The following STK3 variants were observed in gnomAD, a reference collection of about 807,000 sequenced individuals.
The protein encoded by STK3 is serine/threonine-protein kinase 3.
A neutral mutation model predicts 58.0 loss-of-function variants in STK3; 41 were observed. The ratio of observed to expected loss-of-function variants is 0.71; its 90% CI spans 0.55 to 0.92. The LOEUF (loss-of-function observed/expected upper bound fraction) is 0.92. STK3 is among the 40% of genes least tolerant of loss of function. The probability of loss-of-function intolerance (pLI) is 0.00; values close to 1 mark genes in which losing one functional copy is unlikely to be tolerated. For synonymous variants in STK3, 170 were observed against 191.0 expected, an observed-to-expected ratio of 0.89 and a Z score of 0.91; for missense variants, 479 against 602.7, an observed-to-expected ratio of 0.79 and a Z score of 2.15.
intron 3 of STK3, among the ~76,000 whole-genome samples, chr8:98,407,714 A>ATGTGTGTGTG (rs6150725): frequency 2.0e-4 from 27 of 137,172 alleles, no homozygotes; most frequent in Middle Eastern, 3.7e-3. Flanking sequence ...AGATGAGTGC[A>ATGTGTGTGTG]TGTGTGTGTG....
chr8:98,718,509 G>A (rs1306411900), intron 4 of STK3, among the ~76,000 whole-genome samples: 1 of 152,142 alleles, frequency 6.6e-6, no homozygotes, highest in African/African-American at 2.4e-5. Flanking sequence ...CTCTAAAGCT[G>A]CACCATCCAA....
the STK3 span, among the ~76,000 whole-genome samples, chr8:98,365,384 T>C: frequency 6.6e-6 from 1 of 152,142 alleles, no homozygotes; most frequent in Admixed American, 6.5e-5. Flanking sequence ...GTTCCCATGA[T>C]TGATGACATT....
At chr8:98,535,782 TA>T (rs1225342014) in intron 9 of STK3, among the ~76,000 whole-genome samples, 1 of 152,032 alleles carries the variant, frequency 6.6e-6, no homozygotes, top group African/African-American at 2.4e-5. Context: ...AGGAGAAAAA[TA>T]AAATCTCAGA....
At chr8:98,548,842 A>C (rs1160905604) in intron 8 of STK3, among the ~76,000 whole-genome samples, 1 of 152,050 alleles carries the variant, frequency 6.6e-6, no homozygotes, top group African/African-American at 2.4e-5. Flanking sequence ...ATACTTATGA[A>C]TTTGCCTATT....
intron 8 of STK3, among the ~76,000 whole-genome samples, chr8:98,578,646 A>C (rs561733049): frequency 6.6e-6 from 1 of 152,378 alleles, no homozygotes; most frequent in South Asian, 2.1e-4. Context: ...ATTTGTATAC[A>C]GAAACTGTAA....
chr8:98,351,975 C>T, the STK3 span, among the ~76,000 whole-genome samples: 5 of 152,018 alleles, frequency 3.3e-5, no homozygotes, highest in East Asian at 1.9e-4. Context: ...CTGGCTAACA[C>T]GGTTAAACCC....
chr8:98,541,349 A>C (rs1296162849), intron 9 of STK3, among the ~76,000 whole-genome samples: 1 of 151,970 alleles, frequency 6.6e-6, no homozygotes, highest in Non-Finnish European at 1.5e-5. Flanking sequence ...TGGTTGTTTA[A>C]AAGTGTATAG....
intron 1 of STK3, among the ~76,000 whole-genome samples, chr8:98,811,560 C>T (rs1247709735): frequency 6.8e-6 from 1 of 146,278 alleles, no homozygotes; most frequent in Non-Finnish European, 1.5e-5. Flanking sequence ...AAAAAAAAAA[C>T]CTCTTGTACC....
rs1818297721 is a variant in STK3, at chr8:98,429,477, C to T, written n.483+4650G>A. 3.4e-6 allele frequency: 4 copies of T among 1,172,430 alleles called. No individual in the cohort carries two copies. The African/African-American group carries it at 6.1e-5, about 18-fold the overall frequency. 72.6% of individuals were successfully genotyped at this position (1,172,430 alleles called of 1,614,324 possible). On this transcript the variant is annotated intron_variant and non_coding_transcript_variant, in intron 3 of 3. Coordinates refer to the STK3 transcript ENST00000517832. ...CTGCCTCTTGTGCCTCTGGCACAGC[C>T]CAGGCACCTTATGGTTATGGTGTAA...
intron 4 of STK3, among the ~76,000 whole-genome samples, chr8:98,747,408 T>G (rs1223682339): frequency 6.6e-6 from 1 of 152,120 alleles, no homozygotes; most frequent in East Asian, 1.9e-4. Context: ...TGAAAACAAT[T>G]ACTAGAGTGA....
chr8:98,436,717 T>G (rs2131086171), intron 2 of STK3: 1 of 152,278 alleles, frequency 6.6e-6, no homozygotes, highest in East Asian at 1.9e-4. Flanking sequence ...CAATGTAGAT[T>G]TCTGGGCATC....
intron 1 of STK3, among the ~76,000 whole-genome samples, chr8:98,384,039 A>C (rs1283945444): frequency 6.6e-6 from 1 of 152,230 alleles, no homozygotes; most frequent in Non-Finnish European, 1.5e-5. Flanking sequence ...AGGCAGGAGA[A>C]TAGAGATTTA....
intron 6 of STK3, among the ~76,000 whole-genome samples, chr8:98,628,597 A>T (rs1818916959): frequency 6.6e-6 from 1 of 151,994 alleles, no homozygotes; most frequent in Admixed American, 6.6e-5. Context: ...AAGAGTTAGA[A>T]ACTAGCCTGG....
At chr8:98,372,151 A>G (rs986102919) in intron 2 of STK3, among the ~76,000 whole-genome samples, 3 of 152,212 alleles carry the variant, frequency 2.0e-5, no homozygotes, top group Admixed American at 6.5e-5. Flanking sequence ...ATCAGAAGCT[A>G]GGCAAAGGCA....
intron 1 of STK3, among the ~76,000 whole-genome samples, chr8:98,918,452 G>T (rs770603996): frequency 2.0e-5 from 3 of 152,166 alleles, no homozygotes; most frequent in African/African-American, 7.2e-5. Context: ...GTAGCTCAGA[G>T]AATACAACTT....
At chr8:98,447,530 T>A (rs988763429) in intron 1 of STK3, among the ~76,000 whole-genome samples, 1 of 149,184 alleles carries the variant, frequency 6.7e-6, no homozygotes, top group Non-Finnish European at 1.5e-5. Context: ...TATTTGTATA[T>A]ATCGTATTGC....
chr8:98,645,694 CTGAT>C (rs1820346340), intron 6 of STK3, among the ~76,000 whole-genome samples: 1 of 151,996 alleles, frequency 6.6e-6, no homozygotes, highest in Admixed American at 6.6e-5. Flanking sequence ...TCAGTAAACA[CTGAT>C]TGAATAGAAA....
At chr8:98,449,536 C>T (rs1421841756) in intron 1 of STK3, among the ~76,000 whole-genome samples, 4 of 152,094 alleles carry the variant, frequency 2.6e-5, no homozygotes, top group African/African-American at 9.7e-5. Context: ...CTTCAGTGAA[C>T]CAAAACTTTA....
chr8:98,483,195 T>A (rs1423992423), intron 10 of STK3, among the ~76,000 whole-genome samples: 1 of 152,180 alleles, frequency 6.6e-6, no homozygotes. Flanking sequence ...AGAAAAGATA[T>A]GGAACTGCTG....
Sources: gnomAD v4.1 joint callset for allele counts (sites outside exome capture counted in the v4.1 genomes callset) on GRCh38, gnomAD v4.1.1 for gene constraint, MANE v1.5 for transcripts, NCBI Gene and HGNC (gene_info 2026-07-23, HGNC 2026-07-21) for gene names.